Variants in TSPAN5 observed in about 807,000 individuals in gnomAD.
The protein encoded by TSPAN5 is tetraspanin-5.
Under a neutral mutation model 37.1 loss-of-function variants are expected in TSPAN5, and 10 were observed. The ratio of observed to expected loss-of-function variants is 0.27; its 90% CI spans 0.17 to 0.46. The LOEUF is 0.46. TSPAN5 is among the 20% of genes least tolerant of loss of function. The pLI, the probability that TSPAN5 is intolerant of heterozygous loss-of-function variation, is 1.00. For missense variants in TSPAN5, 195 were observed against 326.6 expected, an observed-to-expected ratio of 0.60 and a Z score of 3.11; for synonymous variants, 110 against 118.9, an observed-to-expected ratio of 0.93 and a Z score of 0.48.
intron 1 of TSPAN5, among the ~76,000 whole-genome samples, chr4:98,551,418 G>GT (rs71588957): frequency 1.4e-3 from 202 of 139,652 alleles, no homozygotes; most frequent in South Asian, 5.6e-3. Context: ...GAATCCTCTC[G>GT]TTTTTTTTTT....
chr4:98,519,484 T>C (rs2091547), intron 1 of TSPAN5, among the ~76,000 whole-genome samples: 59,239 of 151,140 alleles, frequency 0.39, 12,130 homozygotes, highest in South Asian at 0.55. Flanking sequence ...AGTGAGACAG[T>C]GAGTCTGTTA....
intron 1 of TSPAN5, among the ~76,000 whole-genome samples, chr4:98,588,246 T>C (rs1377944324): frequency 6.6e-6 from 1 of 152,190 alleles, no homozygotes; most frequent in Non-Finnish European, 1.5e-5. Flanking sequence ...AAGACATCAC[T>C]GAGAAGCCTT....
At chr4:98,557,389 T>A (rs574097202) in intron 1 of TSPAN5, among the ~76,000 whole-genome samples, 2 of 152,288 alleles carry the variant, frequency 1.3e-5, no homozygotes, top group South Asian at 4.1e-4. Context: ...GGAATACAAA[T>A]TCTACAGTCT....
intron 1 of TSPAN5, among the ~76,000 whole-genome samples, chr4:98,629,115 C>A (rs921308980): frequency 1.5e-4 from 23 of 152,200 alleles, no homozygotes; most frequent in African/African-American, 5.5e-4. Flanking sequence ...CTTATAAACA[C>A]ACACATATTA....
At chr4:98,501,679 G>C (rs919113812) in intron 2 of TSPAN5, among the ~76,000 whole-genome samples, 1 of 152,144 alleles carries the variant, frequency 6.6e-6, no homozygotes, top group African/African-American at 2.4e-5. Context: ...TTTGGGATGC[G>C]GGAGGAATAG....
chr4:98,645,794 C>T (rs1181198493), intron 1 of TSPAN5, among the ~76,000 whole-genome samples: 6 of 152,200 alleles, frequency 3.9e-5, no homozygotes, highest in Non-Finnish European at 7.3e-5. Context: ...TCTAAACCAG[C>T]AGTTTTAGGG....
chr4:98,567,185 C>T lies in TSPAN5; in HGVS notation c.82-59457G>A, dbSNP rs148240394. On this transcript the variant is annotated intron_variant, in intron 1 of 7. Transcript: ENST00000305798. ...TCGTAACCTGTTGGGCCTATGAGGA[C>T]GCAGAAGTGCAAAATACATTCCCTG... Among the ~76,000 whole-genome samples, 518 of 152,298 alleles carry T rather than the reference C, an allele frequency of 3.4e-3. 4 individuals carry two copies. The highest frequency in any genetic ancestry group is 0.012 in the Admixed American group (176 of 15,302).
Position 98,499,657 on chromosome 4 carries a change from C to CTTTT in TSPAN5, c.132+8017_132+8020dup, listed in dbSNP as rs757802654. Among the ~76,000 whole-genome samples the CTTTT allele has an allele frequency of 6.8e-4, 73 of 108,062 alleles. 1 individual carries two copies. The highest frequency in any genetic ancestry group is 1.7e-3 in the African/African-American group (46 of 26,544). The allele number at this position is 108,062 out of a possible 152,430, so 70.9% of individuals were successfully genotyped here. A position where few individuals can be genotyped will look rare whatever the true frequency, so the allele number is the denominator to read the frequency against. ...ACCATGAGCTGTTTGGTTTCCAGCT[C>CTTTT]TTTTTTTTTTTTTTTTTTTTTGAGA... On this transcript the variant is annotated intron_variant, in intron 2 of 7. Coordinates refer to ENST00000305798, the MANE Select transcript of TSPAN5 (RefSeq NM_005723.4).
At chr4:98,585,626 A>G (rs922963456) in intron 1 of TSPAN5, among the ~76,000 whole-genome samples, 1 of 152,176 alleles carries the variant, frequency 6.6e-6, no homozygotes, top group African/African-American at 2.4e-5. Flanking sequence ...TCCACTCTCT[A>G]TGTCCATGTG....
chr4:98,607,515 C>T (rs187649878), intron 1 of TSPAN5, among the ~76,000 whole-genome samples: 6 of 152,292 alleles, frequency 3.9e-5, no homozygotes, highest in Middle Eastern at 3.4e-3. Context: ...AAATGTAATG[C>T]TCAAATAACC....
At chr4:98,638,611 G>C (rs1756905188) in intron 1 of TSPAN5, among the ~76,000 whole-genome samples, 1 of 152,184 alleles carries the variant, frequency 6.6e-6, no homozygotes, top group African/African-American at 2.4e-5. Flanking sequence ...GTAAAGGTAT[G>C]GGGCAAGGGA....
At chr4:98,615,708 C>T (rs1328129796) in intron 1 of TSPAN5, among the ~76,000 whole-genome samples, 3 of 152,194 alleles carry the variant, frequency 2.0e-5, no homozygotes, top group Admixed American at 6.5e-5. Context: ...GTAATCCCAG[C>T]TACTCAGGAG....
chr4:98,571,733 G>A (rs766868900), intron 1 of TSPAN5, among the ~76,000 whole-genome samples: 17 of 152,068 alleles, frequency 1.1e-4, no homozygotes, highest in Non-Finnish European at 2.2e-4. Flanking sequence ...ATGTAAAATG[G>A]GCATCAAACT....
At chr4:98,572,892 T>C (rs1016789098) in intron 1 of TSPAN5, among the ~76,000 whole-genome samples, 2 of 152,364 alleles carry the variant, frequency 1.3e-5, no homozygotes, top group African/African-American at 4.8e-5. Context: ...GAAAGGGCCA[T>C]GTCACAATCA....
intron 1 of TSPAN5, among the ~76,000 whole-genome samples, chr4:98,570,432 G>A (rs1022010845): frequency 3.3e-5 from 5 of 152,154 alleles, no homozygotes; most frequent in Admixed American, 6.5e-5. Flanking sequence ...TCATCATCTG[G>A]CACAAAGTTT....
At chr4:98,657,384 C>CA (rs11380571) in intron 1 of TSPAN5, 71,270 of 151,848 alleles carry the variant, frequency 0.47, 18,093 homozygotes, top group African/African-American at 0.68. Flanking sequence ...AAGGTTCCCC[C>CA]AAACGGCCCG....
At chr4:98,537,099 T>C (rs930887717) in intron 1 of TSPAN5, among the ~76,000 whole-genome samples, 3 of 152,284 alleles carry the variant, frequency 2.0e-5, no homozygotes, top group Admixed American at 6.5e-5. Flanking sequence ...CCACCCAGAT[T>C]TGTGCTTGAA....
chr4:98,574,687 T>C (rs1434210001), intron 1 of TSPAN5: 1 of 152,196 alleles, frequency 6.6e-6, no homozygotes, highest in Admixed American at 6.5e-5. Flanking sequence ...TGGTTTCAAC[T>C]TTTCTAAATG....
intron 1 of TSPAN5, among the ~76,000 whole-genome samples, chr4:98,612,217 A>T (rs1437591473): frequency 1.3e-5 from 2 of 151,930 alleles, no homozygotes; most frequent in Non-Finnish European, 2.9e-5. Flanking sequence ...GAGGGGGAGG[A>T]GGATGGGGAG....
Sources: allele counts gnomAD v4.1 joint callset (sites outside exome capture counted in the v4.1 genomes callset), GRCh38; gene constraint gnomAD v4.1.1; transcripts MANE v1.5; gene names NCBI Gene and HGNC (gene_info 2026-07-23, HGNC 2026-07-21).